PALM2AKAP2: variants seen among roughly 807,000 people sequenced by gnomAD.
The protein encoded by PALM2AKAP2 is PALM2 and AKAP2 fusion.
Under a neutral mutation model 71.5 loss-of-function variants are expected in PALM2AKAP2, and 37 were observed. That is an observed-to-expected ratio of 0.52 (90% confidence interval 0.40 to 0.68). The LOEUF is 0.68. Among genes scored for constraint, PALM2AKAP2 ranks in the 30% least tolerant of loss-of-function variants. The probability of loss-of-function intolerance (pLI) is 0.00; values close to 1 mark genes in which losing one functional copy is unlikely to be tolerated. For missense variants in PALM2AKAP2, 1,224 were observed against 1,191.8 expected, an observed-to-expected ratio of 1.03 and a Z score of -0.40; for synonymous variants, 468 against 478.8, an observed-to-expected ratio of 0.98 and a Z score of 0.29.
chr9:110,162,883 A>AT (rs912524394), intron 3 of PALM2AKAP2, among the ~76,000 whole-genome samples: 5 of 150,882 alleles, frequency 3.3e-5, no homozygotes, highest in Admixed American at 6.6e-5. Context: ...ATTTTTTTAT[A>AT]TTTTTTTTGT....
chr9:110,025,914 CCAGT>C (rs1471820274), intron 7 of PALM2AKAP2, among the ~76,000 whole-genome samples: 1 of 152,034 alleles, frequency 6.6e-6, no homozygotes, highest in Non-Finnish European at 1.5e-5. Context: ...TTGCAGCTGC[CCAGT>C]CAGTGTTTTC....
chr9:109,696,472 C>T (rs1032057042), intron 1 of PALM2AKAP2, among the ~76,000 whole-genome samples: 2 of 152,164 alleles, frequency 1.3e-5, no homozygotes, highest in African/African-American at 4.8e-5. Flanking sequence ...TGCGAGGAGA[C>T]AGAAACTCAT....
chr9:110,079,199 A>G (rs1260068582), intron 1 of PALM2AKAP2, among the ~76,000 whole-genome samples: 8 of 152,228 alleles, frequency 5.3e-5, no homozygotes, highest in African/African-American at 1.7e-4. Context: ...ACAGTGAGGC[A>G]TGAGGACACA....
chr9:110,032,097 A>C (rs917637796), intron 7 of PALM2AKAP2, among the ~76,000 whole-genome samples: 2 of 151,572 alleles, frequency 1.3e-5, no homozygotes, highest in African/African-American at 4.8e-5. Context: ...CTTTCCTTGA[A>C]TCTGGAGAAA....
intron 7 of PALM2AKAP2, among the ~76,000 whole-genome samples, chr9:110,031,101 C>T (rs1337674400): frequency 6.6e-6 from 1 of 152,160 alleles, no homozygotes; most frequent in African/African-American, 2.4e-5. Flanking sequence ...CATCTGCTCA[C>T]AGATTGTGAG....
chr9:110,097,716 A>G (rs2118845763), intron 1 of PALM2AKAP2, among the ~76,000 whole-genome samples: 1 of 140,328 alleles, frequency 7.1e-6, no homozygotes, highest in African/African-American at 2.9e-5. Flanking sequence ...ATCCCAGACG[A>G]TGGGCGGCCA....
At chr9:110,108,581 T>A (rs1393012789) in intron 1 of PALM2AKAP2, among the ~76,000 whole-genome samples, 1 of 152,188 alleles carries the variant, frequency 6.6e-6, no homozygotes, top group Non-Finnish European at 1.5e-5. Flanking sequence ...AGGGGTGCAA[T>A]CCATTTACCT....
chr9:110,100,270 G>A (rs1308682723), intron 1 of PALM2AKAP2, among the ~76,000 whole-genome samples: 1 of 151,960 alleles, frequency 6.6e-6, no homozygotes, highest in East Asian at 1.9e-4. Flanking sequence ...TGCCGTCCTG[G>A]AAGATTGAGA....
At chr9:109,994,625 G>A (rs1338398547) in intron 6 of PALM2AKAP2, among the ~76,000 whole-genome samples, 1 of 152,090 alleles carries the variant, frequency 6.6e-6, no homozygotes, top group African/African-American at 2.4e-5. Context: ...TCCAGTCCCT[G>A]GACTCCATCC....
At chr9:109,818,845 T>C (rs555637631) in intron 1 of PALM2AKAP2, among the ~76,000 whole-genome samples, 1 of 152,314 alleles carries the variant, frequency 6.6e-6, no homozygotes, top group South Asian at 2.1e-4. Context: ...TTTTATGTTG[T>C]CTGTGGCACA....
chr9:109,720,313 TAA>T (rs200502381), intron 1 of PALM2AKAP2, among the ~76,000 whole-genome samples: 3 of 150,384 alleles, frequency 2.0e-5, no homozygotes, highest in African/African-American at 7.3e-5. Flanking sequence ...TTAGTTCTTG[TAA>T]AAAAAAAATT....
In PALM2AKAP2 at chr9:109,991,872, A is replaced by T. The variant is rs538730901; in HGVS notation, c.497-24082A>T. 2.0e-5 allele frequency among the ~76,000 whole-genome samples: 3 copies of T among 152,270 alleles called. No homozygotes were observed. In the South Asian group the frequency reaches 6.2e-4, roughly 32 times the overall value. On this transcript the variant is annotated intron_variant, in intron 6 of 9. Transcript: ENST00000302798. Reference sequence around the variant, plus strand: ...AGGCTGTTTTGTAGAGGAAGAATAGACGTGTGTTTGACTCCAGAAGACCAT... The same window carrying T: ...AGGCTGTTTTGTAGAGGAAGAATAGTCGTGTGTTTGACTCCAGAAGACCAT...
At chr9:109,954,437 C>T (rs74873843) in intron 6 of PALM2AKAP2, among the ~76,000 whole-genome samples, 1,770 of 142,460 alleles carry the variant, frequency 0.012, 35 homozygotes, top group African/African-American at 0.044. Flanking sequence ...TTATCAACAG[C>T]ACAAAAAAGC....
chr9:109,759,637 CT>C (rs1320532167), intron 1 of PALM2AKAP2, among the ~76,000 whole-genome samples: 10 of 152,088 alleles, frequency 6.6e-5, no homozygotes, highest in African/African-American at 2.2e-4. Context: ...TAATTGTAAT[CT>C]TTTAGGCCCA....
chr9:110,005,306 G>C (rs1301121661), intron 6 of PALM2AKAP2, among the ~76,000 whole-genome samples: 1 of 152,256 alleles, frequency 6.6e-6, no homozygotes, highest in African/African-American at 2.4e-5. Flanking sequence ...GATCCTGTTT[G>C]CCTGGGTATC....
rs149049300 is a variant in PALM2AKAP2 at position 109,985,691 on chromosome 9, C to G, written c.497-30263C>G. 3.1e-3 allele frequency among the ~76,000 whole-genome samples: 474 copies of G among 150,610 alleles called. 4 individuals carry two copies. The highest frequency in any genetic ancestry group is 0.011 in the African/African-American group (435 of 41,074). ...TTTTTTAACAGTCTTGCTTTCTTGC[C>G]CAGGCTGGAGTGCAGTGGTGTGATC... On this transcript the variant is annotated intron_variant, in intron 6 of 9. Coordinates refer to the PALM2AKAP2 transcript ENST00000302798.
intron 3 of PALM2AKAP2, among the ~76,000 whole-genome samples, chr9:109,912,882 C>T (rs1830603725): frequency 6.6e-6 from 1 of 152,188 alleles, no homozygotes; most frequent in Non-Finnish European, 1.5e-5. Context: ...GACGAATTCA[C>T]CCCCGATTAG....
At chr9:109,831,734 T>C (rs1828306205) in intron 1 of PALM2AKAP2, among the ~76,000 whole-genome samples, 1 of 152,218 alleles carries the variant, frequency 6.6e-6, no homozygotes, top group Non-Finnish European at 1.5e-5. Flanking sequence ...TACTAAACTT[T>C]ACAGTACATA....
At chr9:109,686,701 A>T (rs1486337488) in intron 1 of PALM2AKAP2, among the ~76,000 whole-genome samples, 1 of 151,726 alleles carries the variant, frequency 6.6e-6, no homozygotes, top group Non-Finnish European at 1.5e-5. Context: ...TTATACTTTA[A>T]GTTTTAGGGT....
Sources: gnomAD v4.1 joint callset for allele counts (sites outside exome capture counted in the v4.1 genomes callset) on GRCh38, gnomAD v4.1.1 for gene constraint, MANE v1.5 for transcripts, NCBI Gene and HGNC (gene_info 2026-07-23, HGNC 2026-07-21) for gene names.